The following UBR3 variants were observed in gnomAD, a reference collection of about 807,000 sequenced individuals.
The protein encoded by UBR3 is ubiquitin protein ligase E3 component n-recognin 3.
In UBR3, 85 loss-of-function variants were observed where a neutral mutation model predicts 243.2. That is an observed-to-expected ratio of 0.35 (90% CI 0.29 to 0.42). UBR3 has a LOEUF of 0.42. UBR3 is among the 10% of genes least tolerant of loss of function. The pLI, the probability that UBR3 is intolerant of heterozygous loss-of-function variation, is 1.00. For synonymous variants in UBR3, 748 were observed against 799.8 expected (o/e 0.94, Z 1.09); for missense variants, 1,686 against 2,300.8 (o/e 0.73, Z 5.47).
chr2:169,990,716 T>TACACAC (rs147119929), intron 25 of UBR3, among the ~76,000 whole-genome samples: 3 of 141,972 alleles, frequency 2.1e-5, no homozygotes, highest in African/African-American at 8.0e-5. Flanking sequence ...AAAAAAGTTA[T>TACACAC]ACACACACAC....
chr2:170,015,986 T>C (rs1001486497), intron 30 of UBR3, among the ~76,000 whole-genome samples: 1 of 151,864 alleles, frequency 6.6e-6, no homozygotes, highest in African/African-American at 2.4e-5. Flanking sequence ...AATAATATTA[T>C]TGAATATCAG....
chr2:170,023,668 C>T (rs926535459), intron 30 of UBR3, among the ~76,000 whole-genome samples: 3 of 152,194 alleles, frequency 2.0e-5, no homozygotes, highest in African/African-American at 7.2e-5. Context: ...TCTTAGCTCA[C>T]TGCAACCTCT....
At chr2:169,977,000 GCTTT>G (rs919590483) in intron 24 of UBR3, among the ~76,000 whole-genome samples, 50 of 144,140 alleles carry the variant, frequency 3.5e-4, no homozygotes, top group African/African-American at 1.2e-3. Flanking sequence ...TGCTGTTGAA[GCTTT>G]CTGTGGTATT....
At position 169,950,018 on chromosome 2, in the gene UBR3, T is replaced by G. The variant is rs754121440; in HGVS notation, c.3498T>G (p.Pro1166=). 1.9e-6 allele frequency: 3 copies of G among 1,588,764 alleles called. No individual in the cohort carries two copies. The South Asian group carries it at 3.5e-5, about 18-fold the overall frequency. Residue 1166 remains proline (P), a synonymous_variant, in exon 23 of 39, where the codon CCT becomes CCG. Coordinates refer to ENST00000272793, the MANE Select transcript of UBR3 (RefSeq NM_172070.4). ...ICRKVTPPVP[P]KKVTAAEKKT... ...GAAAAGTGACCCCTCCTGTACCACC[T>G]AAAAAAGTCACTGCAGCAGAGAAGA...
At chr2:169,861,344 T>C (rs1464348642) in intron 1 of UBR3, among the ~76,000 whole-genome samples, 1 of 152,206 alleles carries the variant, frequency 6.6e-6, no homozygotes, top group Non-Finnish European at 1.5e-5. Context: ...GTGTGGTGGC[T>C]CACGCCCGTA....
At chr2:170,017,805 T>G (rs1191585120) in intron 30 of UBR3, among the ~76,000 whole-genome samples, 1 of 152,204 alleles carries the variant, frequency 6.6e-6, no homozygotes, top group Non-Finnish European at 1.5e-5. Flanking sequence ...GTTACTCAAA[T>G]TAGCTCACAT....
At chr2:169,946,450 C>T in intron 21 of UBR3, 58 bp downstream of exon 21, 1 of 868,256 alleles carries the variant, frequency 1.2e-6, no homozygotes, top group South Asian at 2.1e-5. Flanking sequence ...TGGCTCCAAC[C>T]AATTGTTGCC....
intron 1 of UBR3, among the ~76,000 whole-genome samples, chr2:169,837,577 C>T (rs558226910): frequency 3.3e-5 from 5 of 152,232 alleles, no homozygotes; most frequent in African/African-American, 4.8e-5. Flanking sequence ...CCTTAGGAAA[C>T]GTAGAATCAT....
chr2:170,058,153 C>T (rs949456773), intron 33 of UBR3, among the ~76,000 whole-genome samples: 4 of 152,082 alleles, frequency 2.6e-5, no homozygotes, highest in South Asian at 2.1e-4. Flanking sequence ...CTTATTTTTT[C>T]ACTTCCTTCT....
intron 11 of UBR3, 123 bp downstream of exon 11, chr2:169,914,269 T>G (rs1225739824): frequency 2.3e-6 from 1 of 433,990 alleles, no homozygotes; most frequent in Non-Finnish European, 3.8e-6. Flanking sequence ...AAGGAAGTAA[T>G]GAACATATTA....
At chr2:169,954,287 C>T (rs912665088) in intron 23 of UBR3, among the ~76,000 whole-genome samples, 2 of 152,000 alleles carry the variant, frequency 1.3e-5, no homozygotes, top group Non-Finnish European at 1.5e-5. Flanking sequence ...GTCACTCAGG[C>T]TGGAGTATAG....
intron 38 of UBR3, among the ~76,000 whole-genome samples, chr2:170,081,093 A>G (rs530919841): frequency 6.6e-6 from 1 of 152,152 alleles, no homozygotes; most frequent in East Asian, 1.9e-4. Context: ...ACTCGGGAGG[A>G]GGTGGAAGGA....
At chr2:169,829,668 G>T (rs903769159) in intron 1 of UBR3, among the ~76,000 whole-genome samples, 1 of 152,016 alleles carries the variant, frequency 6.6e-6, no homozygotes, top group Non-Finnish European at 1.5e-5. Flanking sequence ...CAGGTGATCC[G>T]CCCGCGTCGG....
chr2:169,963,124 G>GT (rs544312899), intron 24 of UBR3, among the ~76,000 whole-genome samples: 47 of 152,220 alleles, frequency 3.1e-4, no homozygotes, highest in Middle Eastern at 6.8e-3. Context: ...TGGATGATCC[G>GT]TTTTTTCTGT....
intron 21 of UBR3, 59 bp from the exon 22 acceptor site, chr2:169,947,483 C>G: frequency 1.5e-6 from 2 of 1,311,378 alleles, no homozygotes; most frequent in Non-Finnish European, 2.0e-6. Flanking sequence ...TGTTACATCT[C>G]CATTGTACCT....
intron 23 of UBR3, among the ~76,000 whole-genome samples, chr2:169,950,628 T>A (rs1199221951): frequency 6.9e-6 from 1 of 145,156 alleles, no homozygotes; most frequent in East Asian, 2.0e-4. Context: ...GAAAAAAAAA[T>A]GGGATTTTTT....
At chr2:169,940,505 T>A (rs2086539186) in intron 19 of UBR3, among the ~76,000 whole-genome samples, 1 of 152,222 alleles carries the variant, frequency 6.6e-6, no homozygotes, top group Non-Finnish European at 1.5e-5. Flanking sequence ...TTTTGAGATT[T>A]ACTTTGCATT....
intron 1 of UBR3, among the ~76,000 whole-genome samples, chr2:169,858,169 A>G (rs1449369191): frequency 6.6e-6 from 1 of 152,196 alleles, no homozygotes; most frequent in African/African-American, 2.4e-5. Flanking sequence ...TGAGGTTATA[A>G]TAAAAATCTA....
intron 1 of UBR3, among the ~76,000 whole-genome samples, chr2:169,830,012 A>G (rs73022434): frequency 0.043 from 6,544 of 152,020 alleles, 161 homozygotes; most frequent in Middle Eastern, 0.068. Context: ...TTTTTTGGTT[A>G]TCTTAGATGT....
Sources: gnomAD v4.1 joint callset for allele counts (sites outside exome capture counted in the v4.1 genomes callset) on GRCh38, gnomAD v4.1.1 for gene constraint, MANE v1.5 for transcripts, NCBI Gene and HGNC (gene_info 2026-07-23, HGNC 2026-07-21) for gene names.